Variants in MREG observed in about 807,000 individuals in gnomAD.
MREG encodes dilute suppressor protein homolog.
Under a neutral mutation model 28.5 loss-of-function variants are expected in MREG, and 31 were observed. The observed-to-expected ratio is 1.09, with a 90% confidence interval of 0.82 to 1.47. MREG has a LOEUF of 1.47. MREG is among the 40% of genes most tolerant of loss of function. MREG has a pLI of 0.00. For missense variants in MREG, 256 were observed against 257.4 expected (o/e 0.99, Z 0.04); for synonymous variants, 106 against 95.2 (o/e 1.11, Z -0.66).
intron 1 of MREG, chr2:216,032,753 T>C (rs889107474): frequency 2.0e-5 from 3 of 152,254 alleles, no homozygotes; most frequent in Non-Finnish European, 2.9e-5. Context: ...ATAATTCATT[T>C]TGGGCTCAAT....
intron 2 of MREG, among the ~76,000 whole-genome samples, chr2:215,962,304 G>A (rs546555941): frequency 3.9e-5 from 6 of 152,254 alleles, no homozygotes; most frequent in South Asian, 2.1e-4. Context: ...AATAAGATTC[G>A]AGCTAGTTTT....
chr2:216,024,658 G>A (rs1369790682), intron 1 of MREG, among the ~76,000 whole-genome samples: 1 of 152,040 alleles, frequency 6.6e-6, no homozygotes, highest in Non-Finnish European at 1.5e-5. Context: ...TGGATCACCT[G>A]AGGTTAGGAG....
At chr2:216,026,472 C>T (rs192663457) in intron 1 of MREG, among the ~76,000 whole-genome samples, 5 of 152,140 alleles carry the variant, frequency 3.3e-5, no homozygotes, top group South Asian at 2.1e-4. Flanking sequence ...GCGATCCTCC[C>T]GTCTCAGCTT....
rs35881407 is a variant in MREG at position 215,979,201 on chromosome 2, C to G, written c.255+17105G>C. Reference sequence around the variant, plus strand: ...AAGATAGGTCGGGCACGGTGGCTCACGCCTGTAATCCCAGCACTTTGGAAG... The same window carrying G: ...AAGATAGGTCGGGCACGGTGGCTCAGGCCTGTAATCCCAGCACTTTGGAAG... On this transcript the variant is annotated intron_variant, in intron 2 of 4. Coordinates refer to ENST00000263268, the MANE Select transcript of MREG (RefSeq NM_018000.3). Among the ~76,000 whole-genome samples the G allele has an allele frequency of 2.6e-5, 4 of 151,878 alleles. No homozygotes were observed. In the East Asian group the frequency reaches 7.7e-4, roughly 29 times the overall value.
At chr2:216,015,403 G>C (rs1033722320), upstream of MREG, among the ~76,000 whole-genome samples, 4 of 152,162 alleles carry the variant, frequency 2.6e-5, no homozygotes. Context: ...GTACCTGTGG[G>C]AGAATATGGA....
chr2:216,003,005 T>C (rs905434414), intron 1 of MREG, among the ~76,000 whole-genome samples: 1 of 152,066 alleles, frequency 6.6e-6, no homozygotes, highest in Non-Finnish European at 1.5e-5. Context: ...CTTCCTTTGT[T>C]CTTTCTGATA....
At chr2:216,017,005 T>C (rs1194829075), upstream of MREG, among the ~76,000 whole-genome samples, 1 of 152,230 alleles carries the variant, frequency 6.6e-6, no homozygotes, top group African/African-American at 2.4e-5. Flanking sequence ...ATTCCCTCTG[T>C]TGACTATCCA....
intron 2 of MREG, among the ~76,000 whole-genome samples, chr2:215,950,213 CTGA>C (rs1435480332): frequency 2.0e-5 from 3 of 152,198 alleles, no homozygotes; most frequent in Admixed American, 2.0e-4. Flanking sequence ...GCTCCTTAGG[CTGA>C]TGTCTTAGGC....
At position 215,944,982 on chromosome 2, in the gene MREG, G is replaced by T; in HGVS notation, c.526C>A (p.Leu176Ile). The T allele has an allele frequency of 6.3e-7, 1 of 1,588,932 alleles. No homozygotes were observed. The highest frequency in any genetic ancestry group is 1.1e-5 in the South Asian group (1 of 89,104). ...YLFVVDRLIA[L>I]DAAEEFFKLA... ...TTAAAGAACTCTTCTGCAGCATCAAGTGCAATGAGACGGTCCTGCAAAAAC... is the reference window on the plus strand; with the variant it reads ...TTAAAGAACTCTTCTGCAGCATCAATTGCAATGAGACGGTCCTGCAAAAAC... Residue 176 changes from leucine to isoleucine, a missense_variant, in exon 5 of 5, where the codon CTT (leucine) becomes ATT (isoleucine). By Grantham distance (5) the Leu-to-Ile change is conservative. Transcript: ENST00000263268.
intron 2 of MREG, among the ~76,000 whole-genome samples, chr2:215,947,637 G>A (rs974323005): frequency 3.3e-5 from 5 of 152,156 alleles, no homozygotes; most frequent in Admixed American, 3.3e-4. Context: ...ATAAGAAACA[G>A]ACACACACAA....
At chr2:216,003,935 T>A (rs992499533) in intron 1 of MREG, among the ~76,000 whole-genome samples, 1 of 152,334 alleles carries the variant, frequency 6.6e-6, no homozygotes, top group South Asian at 2.1e-4. Context: ...GCCAAAGTGA[T>A]CCTTTTAATA....
chr2:216,000,564 C>T (rs1307308672), intron 1 of MREG, among the ~76,000 whole-genome samples: 1 of 152,138 alleles, frequency 6.6e-6, no homozygotes, highest in Admixed American at 6.5e-5. Context: ...CTTCCATCTT[C>T]CCCCAGATGT....
intron 4 of MREG, among the ~76,000 whole-genome samples, chr2:215,945,318 T>C (rs1372255261): frequency 6.6e-6 from 1 of 152,186 alleles, no homozygotes; most frequent in African/African-American, 2.4e-5. Flanking sequence ...TAGAATTCAC[T>C]GAAAAATACA....
At chr2:216,030,419 G>A (rs1694662155) in intron 1 of MREG, among the ~76,000 whole-genome samples, 1 of 152,146 alleles carries the variant, frequency 6.6e-6, no homozygotes, top group South Asian at 2.1e-4. Context: ...TAAAATGCTG[G>A]TAATAATGAA....
intron 1 of MREG, among the ~76,000 whole-genome samples, chr2:215,999,618 A>T (rs1344698): frequency 0.31 from 46,786 of 152,166 alleles, 8,196 homozygotes; most frequent in Non-Finnish European, 0.37. Flanking sequence ...AATTTTGAAC[A>T]TTCTGAAATT....
intron 1 of MREG, among the ~76,000 whole-genome samples, chr2:216,029,662 C>T (rs1694649768): frequency 6.6e-6 from 1 of 152,232 alleles, no homozygotes; most frequent in Non-Finnish European, 1.5e-5. Flanking sequence ...TGCTCACAAA[C>T]TCGCCAGAAG....
intron 2 of MREG, among the ~76,000 whole-genome samples, chr2:215,962,992 G>A (rs561379966): frequency 2.6e-5 from 4 of 152,264 alleles, no homozygotes; most frequent in East Asian, 1.9e-4. Context: ...AAAAGGCATA[G>A]TTGTGCACAC....
chr2:216,004,297 C>T (rs1340415396), intron 1 of MREG, among the ~76,000 whole-genome samples: 1 of 152,172 alleles, frequency 6.6e-6, no homozygotes, highest in East Asian at 1.9e-4. Context: ...GTTTCCTACA[C>T]ACTTATTTAT....
At chr2:215,966,440 T>G (rs1692941846) in intron 2 of MREG, among the ~76,000 whole-genome samples, 1 of 152,110 alleles carries the variant, frequency 6.6e-6, no homozygotes, top group Non-Finnish European at 1.5e-5. Flanking sequence ...ACTTCCCTAA[T>G]CACCCCAAGC....
Sources: allele counts gnomAD v4.1 joint callset (sites outside exome capture counted in the v4.1 genomes callset), GRCh38; gene constraint gnomAD v4.1.1; transcripts MANE v1.5; gene names NCBI Gene and HGNC (gene_info 2026-07-23, HGNC 2026-07-21).